Variants in MYBL2 observed in about 807,000 individuals in gnomAD.
The protein encoded by MYBL2 is MYB proto-oncogene like 2, also known as myb-related protein B.
MYBL2 carries 28 observed loss-of-function variants against 79.9 expected under a neutral mutation model. The observed-to-expected ratio is 0.35, with a 90% CI of 0.26 to 0.48. The LOEUF is 0.48. Among genes scored for constraint, MYBL2 ranks in the 20% least tolerant of loss-of-function variants. MYBL2 has a pLI of 0.99. For synonymous variants in MYBL2, 378 were observed against 361.2 expected (o/e 1.05, Z -0.53); for missense variants, 735 against 893.9 (o/e 0.82, Z 2.27).
intron 6 of MYBL2, among the ~76,000 whole-genome samples, chr20:43,698,662 T>TA (rs1491561664): frequency 1.2e-5 from 1 of 81,190 alleles, no homozygotes; most frequent in East Asian, 2.7e-4. Context: ...ACAGGCGTGA[T>TA]TTTTTTTTTT....
At chr20:43,690,139 G>C (rs1395790980) in intron 5 of MYBL2, among the ~76,000 whole-genome samples, 1 of 152,084 alleles carries the variant, frequency 6.6e-6, no homozygotes, top group African/African-American at 2.4e-5. Context: ...TGTGTACATG[G>C]GTTGGGGAAC....
At chr20:43,698,477 A>G (rs1987607634) in intron 6 of MYBL2, among the ~76,000 whole-genome samples, 1 of 142,232 alleles carries the variant, frequency 7.0e-6, no homozygotes. Flanking sequence ...TTCCGGGTTC[A>G]CACCATTCTC....
intron 2 of MYBL2, among the ~76,000 whole-genome samples, chr20:43,675,251 A>T (rs563559175): frequency 2.6e-5 from 4 of 151,978 alleles, no homozygotes; most frequent in Non-Finnish European, 5.9e-5. Flanking sequence ...AAGTGCTAGG[A>T]TTATAGGTAT....
At chr20:43,671,691 C>T (rs531660774) in intron 1 of MYBL2, among the ~76,000 whole-genome samples, 3 of 151,530 alleles carry the variant, frequency 2.0e-5, no homozygotes, top group African/African-American at 7.3e-5. Flanking sequence ...AGGCTAGTCT[C>T]GAACTCCCGA....
At chr20:43,676,172 G>C (rs1987005194) in intron 2 of MYBL2, among the ~76,000 whole-genome samples, 1 of 152,040 alleles carries the variant, frequency 6.6e-6, no homozygotes, top group African/African-American at 2.4e-5. Flanking sequence ...TCCCACTTCA[G>C]CCTCCTGAAG....
intron 12 of MYBL2, 68 bp from the exon 13 acceptor site, chr20:43,715,066 C>T (rs1403346855): frequency 5.7e-6 from 9 of 1,584,546 alleles, no homozygotes; most frequent in Middle Eastern, 1.7e-4. Flanking sequence ...GGTGGGATTG[C>T]GGGTTTTTTT....
At chr20:43,714,730 G>A (rs169551) in intron 12 of MYBL2, among the ~76,000 whole-genome samples, 131,451 of 152,102 alleles carry the variant, frequency 0.86, 57,294 homozygotes, top group South Asian at 0.93. Context: ...TCCCAGGTTC[G>A]CACCATTCTT....
chr20:43,699,521 T>G (rs1181341203), intron 6 of MYBL2, among the ~76,000 whole-genome samples: 1 of 152,246 alleles, frequency 6.6e-6, no homozygotes, highest in East Asian at 1.9e-4. Flanking sequence ...CTGTCCATGA[T>G]GCAGTCTAAG....
intron 5 of MYBL2, among the ~76,000 whole-genome samples, chr20:43,688,948 CCTGA>C (rs1481266063): frequency 6.6e-6 from 1 of 152,132 alleles, no homozygotes; most frequent in Non-Finnish European, 1.5e-5. Flanking sequence ...CGCCACCACA[CCTGA>C]CTAATTTTTG....
At chr20:43,672,059 A>C (rs1986872903) in intron 1 of MYBL2, among the ~76,000 whole-genome samples, 1 of 150,382 alleles carries the variant, frequency 6.6e-6, no homozygotes, top group Admixed American at 6.6e-5. Context: ...AATACAAAAA[A>C]AATTAGCCGG....
intron 5 of MYBL2, 128 bp from the exon 6 acceptor site, chr20:43,692,029 C>A (rs1042940375): frequency 4.7e-5 from 38 of 807,810 alleles, no homozygotes; most frequent in Non-Finnish European, 7.2e-5. Flanking sequence ...CTGAAAGAGA[C>A]CTTAGAGTTC....
At chr20:43,686,334 C>T (rs1987273269) in intron 4 of MYBL2, among the ~76,000 whole-genome samples, 1 of 152,134 alleles carries the variant, frequency 6.6e-6, no homozygotes, top group Non-Finnish European at 1.5e-5. Flanking sequence ...GGACTCAGGT[C>T]TGGCTAGGTC....
chr20:43,702,479 TC>T lies in MYBL2; in HGVS notation c.952-8del. ...TAGTAATTGCAATTCCTAACCTCCCTCCCTGGACAGGACCCTGATGCTTGGT... is the reference window on the plus strand; with the variant it reads ...TAGTAATTGCAATTCCTAACCTCCCTCCTGGACAGGACCCTGATGCTTGGT... On this transcript the variant is annotated splice_polypyrimidine_tract_variant and intron_variant, in intron 7 of 13. Coordinates refer to ENST00000217026, the MANE Select transcript of MYBL2 (RefSeq NM_002466.4). 6.3e-7 allele frequency: 1 copy of T among 1,585,642 alleles called. No individual in the cohort carries two copies. Among genetic ancestry groups the T allele is most frequent in the Non-Finnish European group, 8.6e-7 (1 of 1,159,818 alleles).
chr20:43,684,556 T>C (rs1446865083), intron 4 of MYBL2, among the ~76,000 whole-genome samples: 1 of 151,018 alleles, frequency 6.6e-6, no homozygotes, highest in Non-Finnish European at 1.5e-5. Flanking sequence ...TTTTTTAATT[T>C]GTAGAGACAG....
intron 1 of MYBL2, among the ~76,000 whole-genome samples, chr20:43,668,811 C>T (rs1391829643): frequency 1.3e-5 from 2 of 152,052 alleles, no homozygotes; most frequent in South Asian, 2.1e-4. Context: ...ACTCAGCCCG[C>T]TGGGACTGCA....
intron 12 of MYBL2, among the ~76,000 whole-genome samples, chr20:43,713,666 C>T (rs772714289): frequency 1.3e-5 from 2 of 152,196 alleles, no homozygotes; most frequent in South Asian, 2.1e-4. Flanking sequence ...GGATTACAGG[C>T]GTGAGTCACC....
Position 43,716,265 on chromosome 20 carries a change from G to C in MYBL2, c.*178G>C. 1 of 906,506 alleles carries C rather than the reference G, an allele frequency of 1.1e-6. No homozygotes were observed. Among genetic ancestry groups the C allele is most frequent in the South Asian group, 1.9e-5 (1 of 53,440 alleles). The allele number at this position is 906,506 out of a possible 1,614,324, so 56.2% of individuals were successfully genotyped here. ...ATGTGCTGCCCTGTTGCCGAGCCCA[G>C]CTGTGGGCGGCTCCTGGTGCTAACA... On this transcript the variant is annotated 3_prime_UTR_variant, in exon 14 of 14. Coordinates refer to ENST00000217026, the MANE Select transcript of MYBL2 (RefSeq NM_002466.4).
intron 9 of MYBL2, among the ~76,000 whole-genome samples, chr20:43,709,314 G>A (rs1012165485): frequency 1.3e-5 from 2 of 152,186 alleles, no homozygotes; most frequent in Non-Finnish European, 2.9e-5. Flanking sequence ...GCCTGGCCCA[G>A]CCCCATACCA....
At position 43,714,402 on chromosome 20, in the gene MYBL2, A is replaced by G. The variant is rs560751647; in HGVS notation, c.1825-732A>G. 3.3e-5 allele frequency among the ~76,000 whole-genome samples: 5 copies of G among 152,268 alleles called. 1 individual carries two copies. Among genetic ancestry groups the G allele is most frequent in the African/African-American group, 1.2e-4 (5 of 41,546 alleles). On this transcript the variant is annotated intron_variant, in intron 12 of 13. Transcript: ENST00000217026. ...TGTGACAAAGCCAACGTTATTGAGT[A>G]TGTTATTACTGGATAATGCTCAGTG...
Sources: gnomAD v4.1 joint callset for allele counts (sites outside exome capture counted in the v4.1 genomes callset) on GRCh38, gnomAD v4.1.1 for gene constraint, MANE v1.5 for transcripts, NCBI Gene and HGNC (gene_info 2026-07-23, HGNC 2026-07-21) for gene names.